GNA14: variants seen among roughly 807,000 people sequenced by gnomAD.
The protein encoded by GNA14 is guanine nucleotide-binding protein subunit alpha-14.
In GNA14, 50 loss-of-function variants were observed where a neutral mutation model predicts 42.0. That is an observed-to-expected ratio of 1.19 (90% CI 0.95 to 1.51). GNA14 has a LOEUF of 1.51. Among genes scored for constraint, GNA14 ranks in the 40% most tolerant of loss-of-function variants. The pLI is 0.00. For missense variants in GNA14, 473 were observed against 446.2 expected (o/e 1.06, Z -0.54); for synonymous variants, 173 against 163.1 (o/e 1.06, Z -0.46).
intron 2 of GNA14, among the ~76,000 whole-genome samples, chr9:77,504,780 G>C (rs1178827993): frequency 6.8e-6 from 1 of 148,054 alleles, no homozygotes; most frequent in Non-Finnish European, 1.5e-5. Flanking sequence ...CGATTCTCCT[G>C]CCTCAGCCTC....
At chr9:77,429,200 G>T (rs1835505686) in intron 4 of GNA14, among the ~76,000 whole-genome samples, 164 bp from the exon 5 acceptor site, 1 of 152,208 alleles carries the variant, frequency 6.6e-6, no homozygotes, top group Non-Finnish European at 1.5e-5. Flanking sequence ...GCTGCTTTAA[G>T]CAATGAGGGA....
intron 1 of GNA14, among the ~76,000 whole-genome samples, chr9:77,553,273 G>C (rs1367698251): frequency 2.0e-5 from 3 of 152,146 alleles, no homozygotes; most frequent in Non-Finnish European, 4.4e-5. Flanking sequence ...GAGAGAGTAA[G>C]GGAAGGAATG....
chr9:77,495,941 A>T lies in GNA14; in HGVS notation c.309+33128T>A, dbSNP rs182573063. On this transcript the variant is annotated intron_variant, in intron 2 of 6. Transcript: ENST00000341700. Reference sequence around the variant, plus strand: ...GTCGGCTTTCTTCCCAGAGAGGATAATGTTTCATGAGAGGAATGGAGAGTG... The same window carrying T: ...GTCGGCTTTCTTCCCAGAGAGGATATTGTTTCATGAGAGGAATGGAGAGTG... 6.6e-5 allele frequency among the ~76,000 whole-genome samples: 10 copies of T among 152,260 alleles called. No homozygotes were observed. The East Asian group carries it at 1.9e-3, about 30-fold the overall frequency.
intron 1 of GNA14, among the ~76,000 whole-genome samples, chr9:77,581,789 C>T (rs1174473677): frequency 2.6e-5 from 4 of 152,180 alleles, no homozygotes; most frequent in African/African-American, 2.4e-5. Flanking sequence ...CCTGTGGATG[C>T]TTCTCATCAT....
At chr9:77,435,280 C>T (rs778299050) in intron 2 of GNA14, among the ~76,000 whole-genome samples, 1 of 152,028 alleles carries the variant, frequency 6.6e-6, no homozygotes, top group Non-Finnish European at 1.5e-5. Flanking sequence ...TCGCTTGAAC[C>T]CAGAAGGTGG....
intron 1 of GNA14, among the ~76,000 whole-genome samples, chr9:77,546,827 C>T (rs1564050553): frequency 4.6e-5 from 7 of 152,210 alleles, no homozygotes; most frequent in Admixed American, 3.9e-4. Flanking sequence ...TATTCAAAAA[C>T]AGGCTGGATT....
At chr9:77,564,221 T>A (rs1587831486) in intron 1 of GNA14, among the ~76,000 whole-genome samples, 1 of 151,608 alleles carries the variant, frequency 6.6e-6, no homozygotes, top group East Asian at 1.9e-4. Flanking sequence ...TTTGGAATCA[T>A]CTGAAGAGCT....
intron 1 of GNA14, among the ~76,000 whole-genome samples, chr9:77,639,462 G>T (rs989594136): frequency 1.3e-5 from 2 of 152,288 alleles, no homozygotes; most frequent in South Asian, 4.1e-4. Flanking sequence ...ACCCAGCAAG[G>T]CTGGCTCCAA....
intron 2 of GNA14, among the ~76,000 whole-genome samples, chr9:77,510,186 G>A (rs753694100): frequency 3.3e-5 from 5 of 152,070 alleles, no homozygotes; most frequent in Non-Finnish European, 5.9e-5. Context: ...TGATTTGCCT[G>A]TTCTGGAAAT....
At chr9:77,562,418 G>A (rs1365372692) in intron 1 of GNA14, among the ~76,000 whole-genome samples, 5 of 152,150 alleles carry the variant, frequency 3.3e-5, no homozygotes, top group South Asian at 4.1e-4. Context: ...TATGGGGCAG[G>A]AAAGGGACAT....
chr9:77,535,898 T>G (rs867450038), intron 1 of GNA14, among the ~76,000 whole-genome samples: 10,645 of 151,798 alleles, frequency 0.07, 1,214 homozygotes, highest in African/African-American at 0.23. Context: ...TTTTGTTTTT[T>G]TTTTTTTTCC....
chr9:77,434,294 C>T (rs1835606112), intron 3 of GNA14, 74 bp downstream of exon 3: 8 of 1,393,736 alleles, frequency 5.7e-6, no homozygotes, highest in African/African-American at 1.4e-5. Context: ...CAGCGTTCAG[C>T]GAGAAACTTC....
At chr9:77,450,735 C>T (rs1835889508) in intron 2 of GNA14, among the ~76,000 whole-genome samples, 1 of 151,850 alleles carries the variant, frequency 6.6e-6, no homozygotes, top group East Asian at 1.9e-4. Context: ...TGGCTGTGTC[C>T]TCACCCTAAT....
At chr9:77,529,798 G>A (rs975960) in intron 1 of GNA14, among the ~76,000 whole-genome samples, 83,006 of 151,932 alleles carry the variant, frequency 0.55, 22,813 homozygotes, top group Admixed American at 0.6. Flanking sequence ...TGCACATGGC[G>A]GCCAAGGAAC....
chr9:77,581,937 A>C (rs1433537000), intron 1 of GNA14, among the ~76,000 whole-genome samples: 1 of 152,186 alleles, frequency 6.6e-6, no homozygotes, highest in Non-Finnish European at 1.5e-5. Context: ...CATCAACAGG[A>C]AGCTTCCTAT....
chr9:77,641,947 G>A (rs768172199), intron 1 of GNA14, among the ~76,000 whole-genome samples: 1 of 152,094 alleles, frequency 6.6e-6, no homozygotes, highest in Non-Finnish European at 1.5e-5. Context: ...AAGGGAAAAG[G>A]GCATACCTAT....
intron 2 of GNA14, among the ~76,000 whole-genome samples, chr9:77,528,261 G>C (rs55695150): frequency 2.0e-5 from 3 of 152,072 alleles, no homozygotes; most frequent in Admixed American, 2.0e-4. Context: ...ACAGATCCAC[G>C]AGAGACCCAT....
intron 2 of GNA14, among the ~76,000 whole-genome samples, chr9:77,458,654 T>G (rs186649950): frequency 2.0e-5 from 3 of 152,300 alleles, no homozygotes; most frequent in African/African-American, 7.2e-5. Context: ...TCTTCTCAAT[T>G]TACTGTACTG....
At chr9:77,505,608 A>T (rs1012395635) in intron 2 of GNA14, among the ~76,000 whole-genome samples, 1 of 152,228 alleles carries the variant, frequency 6.6e-6, no homozygotes, top group African/African-American at 2.4e-5. Flanking sequence ...ACTAAGGAGG[A>T]ATTAATTAGC....
Sources: gnomAD v4.1 joint callset for allele counts (sites outside exome capture counted in the v4.1 genomes callset) on GRCh38, gnomAD v4.1.1 for gene constraint, MANE v1.5 for transcripts, NCBI Gene and HGNC (gene_info 2026-07-23, HGNC 2026-07-21) for gene names.